Variants in MECOM observed in about 807,000 individuals in gnomAD.
MECOM encodes the protein MDS1 and EVI1 complex locus.
A neutral mutation model predicts 116.3 loss-of-function variants in MECOM; 13 were observed. That is an observed-to-expected ratio of 0.11 (90% CI 0.07 to 0.18). The LOEUF (loss-of-function observed/expected upper bound fraction) is 0.18. Ranked by LOEUF, MECOM falls within the 10% of genes least tolerant of loss-of-function variation. The pLI is 1.00. For synonymous variants in MECOM, 528 were observed against 535.2 expected (o/e 0.99, Z 0.19); for missense variants, 1,299 against 1,509.0 (o/e 0.86, Z 2.31).
intron 9 of MECOM, among the ~76,000 whole-genome samples, chr3:169,111,463 T>A (rs1465548948): frequency 2.0e-5 from 3 of 152,182 alleles, no homozygotes; most frequent in Non-Finnish European, 4.4e-5. Context: ...AAATATGTGC[T>A]ACATTCCAGT....
intron 2 of MECOM, among the ~76,000 whole-genome samples, chr3:169,148,393 A>G (rs80273230): frequency 0.019 from 2,804 of 145,518 alleles, 91 homozygotes; most frequent in African/African-American, 0.067. Flanking sequence ...TTAAACCAAT[A>G]CATTGTAGAA....
intron 2 of MECOM, chr3:169,147,599 T>A (rs528321245): frequency 3.9e-5 from 38 of 985,242 alleles, no homozygotes; most frequent in Non-Finnish European, 4.5e-5. Flanking sequence ...GGATGCACCA[T>A]CCCCCTTAAA....
intron 2 of MECOM, among the ~76,000 whole-genome samples, chr3:169,340,337 G>A (rs966981882): frequency 2.0e-5 from 3 of 152,138 alleles, no homozygotes; most frequent in African/African-American, 7.2e-5. Context: ...AGCTTCTAAT[G>A]TCCCATCTTC....
intron 1 of MECOM, among the ~76,000 whole-genome samples, chr3:169,661,940 C>A (rs1465098195): frequency 6.6e-6 from 1 of 152,204 alleles, no homozygotes; most frequent in African/African-American, 2.4e-5. Flanking sequence ...TGTCCACTCC[C>A]GAGGCAGCTC....
Position 169,086,672 on chromosome 3 carries a change from A to G in MECOM, c.3586-1629T>C, listed in dbSNP as rs957907628. On this transcript the variant is annotated intron_variant, in intron 16 of 16. Coordinates refer to ENST00000651503, the MANE Select transcript of MECOM (RefSeq NM_004991.4). Reference sequence around the variant, plus strand: ...TTAGCTCAGTGTGCCTGACTGAGGTAATACATAAATAGTACCTATTACCAT... The same window carrying G: ...TTAGCTCAGTGTGCCTGACTGAGGTGATACATAAATAGTACCTATTACCAT... 6.1e-6 allele frequency: 4 copies of G among 660,010 alleles called. No homozygotes were observed. In the African/African-American group the frequency reaches 7.2e-5, roughly 12 times the overall value. The allele number at this position is 660,010 out of a possible 1,614,324, so 40.9% of individuals were successfully genotyped here.
intron 1 of MECOM, among the ~76,000 whole-genome samples, chr3:169,418,572 G>T (rs905245094): frequency 6.6e-6 from 1 of 152,058 alleles, no homozygotes; most frequent in Non-Finnish European, 1.5e-5. Context: ...TTCACCCCTG[G>T]GATGCAAGGC....
intron 2 of MECOM, among the ~76,000 whole-genome samples, chr3:169,152,356 G>A (rs1381035433): frequency 6.6e-6 from 1 of 152,068 alleles, no homozygotes; most frequent in African/African-American, 2.4e-5. Flanking sequence ...CCGACTGAAA[G>A]CATGTTAATC....
chr3:169,206,522 CG>C (rs911352306), intron 2 of MECOM, among the ~76,000 whole-genome samples: 21 of 152,104 alleles, frequency 1.4e-4, no homozygotes, highest in African/African-American at 4.1e-4. Context: ...GAGGATGACG[CG>C]GGCAGATTGC....
At chr3:169,561,935 C>CAGG (rs1429153621) in intron 1 of MECOM, among the ~76,000 whole-genome samples, 5 of 151,568 alleles carry the variant, frequency 3.3e-5, no homozygotes, top group African/African-American at 9.7e-5. Flanking sequence ...CACTTGAGAC[C>CAGG]AGGAGTTCAA....
At chr3:169,579,235 C>T (rs1299824252) in intron 1 of MECOM, among the ~76,000 whole-genome samples, 1 of 152,168 alleles carries the variant, frequency 6.6e-6, no homozygotes, top group African/African-American at 2.4e-5. Flanking sequence ...TTCATTACAT[C>T]GCCTCTTACT....
rs548495488 is a variant in MECOM, at chr3:169,124,832, C to T, written c.831-2105G>A. On this transcript the variant is annotated intron_variant, in intron 5 of 16. Transcript: ENST00000651503. Reference sequence around the variant, plus strand: ...TATTTAGAAAAGAAAAAGTACCAACCATGAAAGCATTCTTTTATTTTCTTT... The same window carrying T: ...TATTTAGAAAAGAAAAAGTACCAACTATGAAAGCATTCTTTTATTTTCTTT... 5.9e-5 allele frequency among the ~76,000 whole-genome samples: 9 copies of T among 152,094 alleles called. No homozygotes were observed. In the East Asian group the frequency reaches 1.7e-3, roughly 29 times the overall value.
intron 1 of MECOM, among the ~76,000 whole-genome samples, chr3:169,454,694 C>T (rs1560294576): frequency 6.6e-6 from 1 of 152,106 alleles, no homozygotes; most frequent in Admixed American, 6.6e-5. Context: ...GAGTCTGTCA[C>T]ATAAATTATT....
chr3:169,412,930 C>A (rs775564983), intron 1 of MECOM, among the ~76,000 whole-genome samples: 13 of 152,356 alleles, frequency 8.5e-5, no homozygotes, highest in Non-Finnish European at 1.8e-4. Flanking sequence ...CCATTGAGCA[C>A]TTACTTTTGT....
At chr3:169,369,760 C>A (rs762780974) in intron 2 of MECOM, among the ~76,000 whole-genome samples, 1 of 149,562 alleles carries the variant, frequency 6.7e-6, no homozygotes, top group Non-Finnish European at 1.5e-5. Context: ...TTGGCATTTT[C>A]TCTGTTTTTA....
intron 2 of MECOM, among the ~76,000 whole-genome samples, chr3:169,269,958 G>A (rs180794236): frequency 1.9e-4 from 27 of 144,238 alleles, no homozygotes; most frequent in African/African-American, 6.0e-4. Context: ...AGCTGCATAC[G>A]TATATAAAGG....
intron 2 of MECOM, among the ~76,000 whole-genome samples, chr3:169,278,665 C>T (rs1257067569): frequency 6.6e-6 from 1 of 152,164 alleles, no homozygotes; most frequent in Non-Finnish European, 1.5e-5. Context: ...AACCAATGTA[C>T]TAGAATGACA....
chr3:169,594,927 G>T (rs915419129), intron 1 of MECOM, among the ~76,000 whole-genome samples: 1 of 148,524 alleles, frequency 6.7e-6, no homozygotes, highest in Non-Finnish European at 1.5e-5. Context: ...TAAAATTAAT[G>T]GGGGAGGGAG....
chr3:169,657,069 A>C (rs1412050543), intron 1 of MECOM, among the ~76,000 whole-genome samples: 1 of 152,256 alleles, frequency 6.6e-6, no homozygotes, highest in Admixed American at 6.5e-5. Context: ...CCATCTGGGC[A>C]GAGTTCTAGA....
At chr3:169,549,383 G>C (rs1424898645) in intron 1 of MECOM, among the ~76,000 whole-genome samples, 7 of 149,716 alleles carry the variant, frequency 4.7e-5, no homozygotes, top group Non-Finnish European at 4.4e-5. Context: ...GCATTAAAGA[G>C]AGAGTTTCAC....
Sources: gnomAD v4.1 joint callset for allele counts (sites outside exome capture counted in the v4.1 genomes callset) on GRCh38, gnomAD v4.1.1 for gene constraint, MANE v1.5 for transcripts, NCBI Gene and HGNC (gene_info 2026-07-23, HGNC 2026-07-21) for gene names.